GABRA2: variants seen among roughly 807,000 people sequenced by gnomAD.
The protein encoded by GABRA2 is gamma-aminobutyric acid type A receptor subunit alpha2, also known as gamma-aminobutyric acid receptor subunit alpha-2.
Under a neutral mutation model 48.7 loss-of-function variants are expected in GABRA2, and 16 were observed. The observed-to-expected ratio is 0.33, with a 90% CI of 0.22 to 0.50. GABRA2 has a LOEUF of 0.50. Among genes scored for constraint, GABRA2 ranks in the 20% least tolerant of loss-of-function variants. The pLI, the probability that GABRA2 is intolerant of heterozygous loss-of-function variation, is 0.98. For missense variants in GABRA2, 275 were observed against 535.6 expected (o/e 0.51, Z 4.80); for synonymous variants, 185 against 184.5 (o/e 1.00, Z -0.02).
rs555648491 is a variant in GABRA2, at chr4:46,309,543, C to G, written c.559+630G>C. 5.9e-5 allele frequency among the ~76,000 whole-genome samples: 9 copies of G among 151,944 alleles called. No individual in the cohort carries two copies. The South Asian group carries it at 1.9e-3, about 32-fold the overall frequency. Reference sequence around the variant, plus strand: ...CCTAGGGAGATGATTTGACCTTCCTCCTTTTCAATTATTCTGGAAGAATGA... The same window carrying G: ...CCTAGGGAGATGATTTGACCTTCCTGCTTTTCAATTATTCTGGAAGAATGA... On this transcript the variant is annotated intron_variant, in intron 6 of 9. Coordinates refer to ENST00000381620, the MANE Select transcript of GABRA2 (RefSeq NM_000807.4).
At chr4:46,265,022 TAG>T (rs143456622) in intron 8 of GABRA2, among the ~76,000 whole-genome samples, 193 of 135,054 alleles carry the variant, frequency 1.4e-3, no homozygotes, top group Admixed American at 1.7e-3. Flanking sequence ...GAGAGAGAGA[TAG>T]AGAGAGAGAG....
At chr4:46,319,404 T>C (rs539322610) in intron 4 of GABRA2, among the ~76,000 whole-genome samples, 3 of 151,886 alleles carry the variant, frequency 2.0e-5, no homozygotes, top group African/African-American at 7.2e-5. Context: ...CCAATCAGTG[T>C]GTTTCTTCTA....
In GABRA2 at chr4:46,386,159, C is replaced by A; in HGVS notation, c.102G>T (p.Glu34Asp). The change falls in exon 3 of 10, where the codon GAG becomes GAT. Residue 34 changes from glutamate (E) to aspartate (D), a missense_variant. Glu to Asp is a conservative substitution (Grantham distance 45). Around this residue, in one of 4 missense-constraint regions of GABRA2, gnomAD observed 39 missense variants for 40.5 expected, o/e 0.96. Coordinates refer to ENST00000381620, the MANE Select transcript of GABRA2 (RefSeq NM_000807.4). ...TAAAGATGGTAATGTTATTTTTAGC[C>A]TCATCTTCTTGGATGTTAGCCAGCA... ...RLVLANIQED[E>D]AKNNITIFTR... The A allele has an allele frequency of 6.2e-7, 1 of 1,610,678 alleles. No individual in the cohort carries two copies. Among genetic ancestry groups the A allele is most frequent in the Non-Finnish European group, 8.5e-7 (1 of 1,178,614 alleles).
intron 8 of GABRA2, among the ~76,000 whole-genome samples, chr4:46,281,349 T>C (rs116396347): frequency 0.012 from 1,882 of 152,024 alleles, 45 homozygotes; most frequent in African/African-American, 0.043. Context: ...CTGAGATAAA[T>C]AAAGTAGAGA....
intron 7 of GABRA2, 41 bp from the exon 8 acceptor site, chr4:46,303,653 T>C (rs1177703682): frequency 6.4e-7 from 1 of 1,563,494 alleles, no homozygotes; most frequent in Non-Finnish European, 8.8e-7. Context: ...TAATAGTCAA[T>C]ACTTTGAACA....
chr4:46,284,608 A>G (rs2109487002), intron 8 of GABRA2, among the ~76,000 whole-genome samples: 1 of 152,276 alleles, frequency 6.6e-6, no homozygotes, highest in Middle Eastern at 3.4e-3. Context: ...CAGAAAATGA[A>G]TAGCTGAAAC....
At chr4:46,341,109 TTC>T in intron 3 of GABRA2, among the ~76,000 whole-genome samples, 1 of 152,170 alleles carries the variant, frequency 6.6e-6, no homozygotes. Context: ...TTTGTCATTA[TTC>T]TCTTTCGGAG....
chr4:46,319,754 C>T (rs1729138038), intron 4 of GABRA2, among the ~76,000 whole-genome samples: 1 of 151,632 alleles, frequency 6.6e-6, no homozygotes, highest in South Asian at 2.1e-4. Flanking sequence ...AGGCAAATTT[C>T]ACTAACAAAT....
At chr4:46,331,838 C>A (rs147898102) in intron 4 of GABRA2, among the ~76,000 whole-genome samples, 1 of 152,082 alleles carries the variant, frequency 6.6e-6, no homozygotes, top group Non-Finnish European at 1.5e-5. Flanking sequence ...CTCAAGTGAT[C>A]CTCCCACATC....
At chr4:46,383,872 G>A (rs1212084501) in intron 3 of GABRA2, among the ~76,000 whole-genome samples, 1 of 152,118 alleles carries the variant, frequency 6.6e-6, no homozygotes, top group Admixed American at 6.5e-5. Flanking sequence ...ATAAATAGAT[G>A]TGTTTGAAAG....
chr4:46,300,360 T>C (rs1211749237), intron 8 of GABRA2, among the ~76,000 whole-genome samples: 1 of 151,938 alleles, frequency 6.6e-6, no homozygotes, highest in Non-Finnish European at 1.5e-5. Context: ...TTTTAGAAAA[T>C]TGTCATCCCC....
At chr4:46,252,020 G>T (rs938363137) in intron 9 of GABRA2, among the ~76,000 whole-genome samples, 12 of 151,530 alleles carry the variant, frequency 7.9e-5, no homozygotes, top group African/African-American at 2.9e-4. Flanking sequence ...AGGGTGTAAA[G>T]CAACAGATAT....
chr4:46,255,690 A>G (rs1036414954), intron 9 of GABRA2, among the ~76,000 whole-genome samples: 1 of 151,622 alleles, frequency 6.6e-6, no homozygotes, highest in African/African-American at 2.4e-5. Flanking sequence ...AGGTTTAAGT[A>G]TGTTTTGAGT....
intron 8 of GABRA2, among the ~76,000 whole-genome samples, chr4:46,286,192 G>A (rs1382839817): frequency 6.6e-6 from 1 of 151,882 alleles, no homozygotes; most frequent in African/African-American, 2.4e-5. Flanking sequence ...TCATATAAAG[G>A]AATCATATAA....
intron 8 of GABRA2, among the ~76,000 whole-genome samples, chr4:46,295,210 C>A (rs573307767): frequency 1.3e-5 from 2 of 152,178 alleles, no homozygotes; most frequent in African/African-American, 4.8e-5. Context: ...ATCTTTCCAG[C>A]GGGCAGAACT....
intron 4 of GABRA2, among the ~76,000 whole-genome samples, chr4:46,332,053 C>T (rs565792936): frequency 6.6e-6 from 1 of 152,160 alleles, no homozygotes; most frequent in South Asian, 2.1e-4. Context: ...ATAAATAATA[C>T]CAGTTCCATA....
chr4:46,307,926 G>A (rs1287725277), intron 6 of GABRA2, among the ~76,000 whole-genome samples: 3 of 152,108 alleles, frequency 2.0e-5, no homozygotes, highest in Admixed American at 6.6e-5. Flanking sequence ...CATATAAGCC[G>A]AGAGGTCATA....
intron 3 of GABRA2, among the ~76,000 whole-genome samples, chr4:46,374,829 T>C (rs1291529950): frequency 1.4e-5 from 2 of 141,106 alleles, no homozygotes; most frequent in African/African-American, 2.7e-5. Context: ...ACTGATATGC[T>C]TCTATACAAA....
chr4:46,256,185 TG>T, intron 9 of GABRA2: 1 of 634,504 alleles, frequency 1.6e-6, no homozygotes, highest in Non-Finnish European at 2.9e-6. Context: ...CTGAGAAAAG[TG>T]ATACTTACAG....
Sources: gnomAD v4.1 joint callset for allele counts (sites outside exome capture counted in the v4.1 genomes callset) on GRCh38, gnomAD v4.1.1 for gene constraint, gnomAD v4.1.1 regional missense constraint, MANE v1.5 for transcripts, NCBI Gene and HGNC (gene_info 2026-07-23, HGNC 2026-07-21) for gene names.